Variants in ADRA1B observed in about 807,000 individuals in gnomAD.
ADRA1B encodes the protein adrenoceptor alpha 1B.
ADRA1B carries 17 observed loss-of-function variants against 17.9 expected under a neutral mutation model. That is an observed-to-expected ratio of 0.95 (90% confidence interval 0.65 to 1.42). The LOEUF is 1.42. Among genes scored for constraint, ADRA1B ranks in the 40% most tolerant of loss-of-function variants. The pLI, the probability that ADRA1B is intolerant of heterozygous loss-of-function variation, is 0.00. For synonymous variants in ADRA1B, 366 were observed against 327.6 expected (o/e 1.12, Z -1.27); for missense variants, 681 against 722.1 (o/e 0.94, Z 0.65).
In ADRA1B at chr5:159,961,969, G is replaced by C. The variant is rs144833779; in HGVS notation, c.950-9910G>C. Among the ~76,000 whole-genome samples the C allele has an allele frequency of 1.4e-4, 21 of 152,316 alleles. No homozygotes were observed. In the East Asian group the frequency reaches 4.0e-3, roughly 29 times the overall value. ...TAAGAATATGTAAAGTCAGCGCTTT[G>C]GGAGGCCGAGGCGAGGTTAGGAGTT... On this transcript the variant is annotated intron_variant, in intron 1 of 1. Transcript: ENST00000306675.
chr5:159,961,588 G>T (rs1282937434), intron 1 of ADRA1B, among the ~76,000 whole-genome samples: 1 of 152,186 alleles, frequency 6.6e-6, no homozygotes, highest in Non-Finnish European at 1.5e-5. Context: ...GGACCAAATT[G>T]TTTCAGCTGA....
chr5:159,866,264 C>A (rs1343260082), intron 1 of ADRA1B, among the ~76,000 whole-genome samples: 1 of 149,560 alleles, frequency 6.7e-6, no homozygotes, highest in Non-Finnish European at 1.5e-5. Flanking sequence ...AATGATCATG[C>A]CACTGCACTT....
intron 1 of ADRA1B, among the ~76,000 whole-genome samples, chr5:159,891,210 C>A (rs538226368): frequency 9.2e-5 from 14 of 152,352 alleles, no homozygotes; most frequent in African/African-American, 3.1e-4. Flanking sequence ...ATTTCAATAA[C>A]CCCTCAGAGC....
At chr5:159,914,308 T>C (rs1264949074), upstream of ADRA1B, among the ~76,000 whole-genome samples, 3 of 151,504 alleles carry the variant, frequency 2.0e-5, no homozygotes, top group East Asian at 5.9e-4. Flanking sequence ...CATGAGTGGC[T>C]GCAGGAGCAG....
intron 1 of ADRA1B, among the ~76,000 whole-genome samples, chr5:159,892,228 C>T (rs1753990644): frequency 6.6e-6 from 1 of 152,192 alleles, no homozygotes; most frequent in African/African-American, 2.4e-5. Context: ...CAGAGCAAGA[C>T]TCTCCTTCAG....
At chr5:159,882,330 A>C (rs1753872653) in intron 1 of ADRA1B, among the ~76,000 whole-genome samples, 2 of 152,188 alleles carry the variant, frequency 1.3e-5, no homozygotes, top group South Asian at 4.1e-4. Context: ...ATCCTTCCTG[A>C]GTAGACAGGA....
intron 1 of ADRA1B, among the ~76,000 whole-genome samples, chr5:159,944,596 A>G (rs1561603075): frequency 6.6e-6 from 1 of 152,162 alleles, no homozygotes. Flanking sequence ...GAAACTAACA[A>G]TGCCTTACAA....
At chr5:159,912,152 A>T (rs998333358), upstream of ADRA1B, among the ~76,000 whole-genome samples, 1 of 152,176 alleles carries the variant, frequency 6.6e-6, no homozygotes, top group African/African-American at 2.4e-5. Context: ...CTTTACACAC[A>T]TTTTCACATG....
At chr5:159,906,516 AAACCTGCTG>A (rs1376408363) in intron 1 of ADRA1B, among the ~76,000 whole-genome samples, 1 of 152,246 alleles carries the variant, frequency 6.6e-6, no homozygotes, top group Non-Finnish European at 1.5e-5. Context: ...ACCCCATTTC[AAACCTGCTG>A]AATTAGGATA....
At chr5:159,952,087 T>C (rs1383145030) in intron 1 of ADRA1B, among the ~76,000 whole-genome samples, 4 of 152,186 alleles carry the variant, frequency 2.6e-5, no homozygotes, top group Non-Finnish European at 5.9e-5. Context: ...CAAACGCTTA[T>C]CCCCTACACT....
intron 1 of ADRA1B, among the ~76,000 whole-genome samples, chr5:159,942,213 T>C (rs1755154662): frequency 1.3e-5 from 2 of 152,232 alleles, no homozygotes; most frequent in South Asian, 4.2e-4. Flanking sequence ...TGAGCCGCCA[T>C]GGCCGGCCGG....
intron 1 of ADRA1B, among the ~76,000 whole-genome samples, chr5:159,873,727 G>A (rs928662441): frequency 1.3e-5 from 2 of 152,176 alleles, no homozygotes; most frequent in African/African-American, 2.4e-5. Flanking sequence ...AATGACCATC[G>A]TGGAGGTGGT....
upstream of ADRA1B, among the ~76,000 whole-genome samples, chr5:159,915,141 A>G (rs1020519155): frequency 6.6e-6 from 1 of 152,316 alleles, no homozygotes; most frequent in African/African-American, 2.4e-5. Flanking sequence ...AGCTCCATCT[A>G]TAACAGTGGT....
intron 1 of ADRA1B, chr5:159,951,134 G>A (rs1755427531): frequency 4.0e-6 from 3 of 746,392 alleles, no homozygotes; most frequent in African/African-American, 3.4e-5. Flanking sequence ...AGCAGAGGGG[G>A]CAGAGATGAT....
At chr5:159,932,107 T>C (rs1395663955) in intron 1 of ADRA1B, among the ~76,000 whole-genome samples, 3 of 152,226 alleles carry the variant, frequency 2.0e-5, no homozygotes, top group Non-Finnish European at 4.4e-5. Flanking sequence ...CTTCTTATCA[T>C]ATCGATGAAA....
chr5:159,986,655 C>T, the ADRA1B span, among the ~76,000 whole-genome samples: 3 of 152,170 alleles, frequency 2.0e-5, no homozygotes, highest in Admixed American at 6.5e-5. Flanking sequence ...AGAAATAAGA[C>T]CCAGTAATCT....
chr5:159,945,471 CAT>C (rs1360827489), intron 1 of ADRA1B, among the ~76,000 whole-genome samples: 1 of 152,194 alleles, frequency 6.6e-6, no homozygotes, highest in African/African-American at 2.4e-5. Context: ...TGGGGGAAAG[CAT>C]TCCAGGCAGC....
At chr5:159,944,753 G>A (rs181822456) in intron 1 of ADRA1B, among the ~76,000 whole-genome samples, 353 of 152,256 alleles carry the variant, frequency 2.3e-3, no homozygotes, top group Middle Eastern at 0.01. Flanking sequence ...TAAATTTACA[G>A]ATATGGAAAT....
At chr5:159,891,065 C>G (rs939490906) in intron 1 of ADRA1B, among the ~76,000 whole-genome samples, 12 of 152,182 alleles carry the variant, frequency 7.9e-5, no homozygotes, top group Admixed American at 4.6e-4. Flanking sequence ...CACCTACCCC[C>G]CCTCTAAGAT....
Sources: gnomAD v4.1 joint callset for allele counts (sites outside exome capture counted in the v4.1 genomes callset) on GRCh38, gnomAD v4.1.1 for gene constraint, MANE v1.5 for transcripts, NCBI Gene and HGNC (gene_info 2026-07-23, HGNC 2026-07-21) for gene names.